The following GRM5 variants were observed in gnomAD, a reference collection of about 807,000 sequenced individuals.
GRM5 encodes the protein glutamate metabotropic receptor 5.
A neutral mutation model predicts 83.1 loss-of-function variants in GRM5; 19 were observed. That is an observed-to-expected ratio of 0.23 (90% CI 0.16 to 0.34). The LOEUF (loss-of-function observed/expected upper bound fraction) is 0.34, where lower values mean the gene tolerates loss of function less well. Ranked by LOEUF, GRM5 falls within the 10% of genes least tolerant of loss-of-function variation. The pLI, the probability that GRM5 is intolerant of heterozygous loss-of-function variation, is 1.00. For synonymous variants in GRM5, 675 were observed against 633.6 expected (o/e 1.07, Z -0.98); for missense variants, 1,160 against 1,588.3 (o/e 0.73, Z 4.58).
At chr11:88,983,225 A>G (rs943878704) in intron 2 of GRM5, among the ~76,000 whole-genome samples, 1 of 152,210 alleles carries the variant, frequency 6.6e-6, no homozygotes, top group African/African-American at 2.4e-5. Context: ...GGATTATATC[A>G]TTACAATTTT....
At chr11:88,735,145 TA>T (rs1336483083) in intron 3 of GRM5, among the ~76,000 whole-genome samples, 2 of 152,020 alleles carry the variant, frequency 1.3e-5, no homozygotes, top group Non-Finnish European at 2.9e-5. Context: ...CTCGAAGAAA[TA>T]CATTGTTTAG....
intron 3 of GRM5, among the ~76,000 whole-genome samples, chr11:88,697,505 T>G (rs1033515514): frequency 3.3e-5 from 5 of 152,204 alleles, no homozygotes; most frequent in African/African-American, 7.2e-5. Context: ...GATCATGTTC[T>G]TTATCTTCCA....
At chr11:88,680,610 C>A (rs1940454580) in intron 3 of GRM5, among the ~76,000 whole-genome samples, 1 of 152,120 alleles carries the variant, frequency 6.6e-6, no homozygotes, top group African/African-American at 2.4e-5. Context: ...TACCATTTGA[C>A]CCAGCCATCC....
chr11:88,901,524 G>A (rs1160671190), intron 2 of GRM5, among the ~76,000 whole-genome samples: 1 of 152,098 alleles, frequency 6.6e-6, no homozygotes, highest in Non-Finnish European at 1.5e-5. Flanking sequence ...ATCTTGGAAT[G>A]TTTCCCTAAT....
intron 3 of GRM5, among the ~76,000 whole-genome samples, chr11:88,677,659 C>G (rs1226796874): frequency 6.6e-6 from 1 of 152,050 alleles, no homozygotes; most frequent in African/African-American, 2.4e-5. Flanking sequence ...CTCTTTAATG[C>G]TGAAACCAAT....
At chr11:88,922,383 A>G (rs1316101288) in intron 2 of GRM5, among the ~76,000 whole-genome samples, 6 of 152,196 alleles carry the variant, frequency 3.9e-5, no homozygotes, top group Non-Finnish European at 8.8e-5. Context: ...AAACAGACAC[A>G]TAGACCAATG....
rs200709836 is a variant in GRM5, at chr11:89,047,937, G to T, written c.-65C>A. On this transcript the variant is annotated 5_prime_UTR_variant, in exon 2 of 10. Transcript: ENST00000305447. This position sits in a 1 kb window ranked among gnomAD's most constrained non-coding sequence, Gnocchi z 5.1. ...GGGAAAATTCAGGAGGGTTCTGATA[G>T]CTACGAACAAGCGATGTCCTACGTT... is the stretch of plus-strand genomic sequence containing the variant. 1.1e-5 allele frequency: 14 copies of T among 1,241,422 alleles called. No individual in the cohort carries two copies. The East Asian group carries it at 2.8e-4, about 25-fold the overall frequency. 76.9% of individuals were successfully genotyped at this position (1,241,422 alleles called of 1,614,324 possible).
chr11:89,010,974 A>G (rs1241286995), intron 2 of GRM5, among the ~76,000 whole-genome samples: 1 of 152,208 alleles, frequency 6.6e-6, no homozygotes, highest in Non-Finnish European at 1.5e-5. Context: ...CAAAAGAGTA[A>G]TAAGAAAAGC....
intron 9 of GRM5, chr11:88,522,978 C>G (rs1591321198): frequency 2.0e-5 from 3 of 152,136 alleles, no homozygotes; most frequent in African/African-American, 7.2e-5. Flanking sequence ...GTATGTTTAT[C>G]TGGGATCTCC....
rs184977483 is a variant in GRM5 at position 88,636,865 on chromosome 11, T to C, written c.1147+16303A>G. Among the ~76,000 whole-genome samples, 166 of 152,264 alleles carry C rather than the reference T, an allele frequency of 1.1e-3. 2 individuals carry two copies. Among genetic ancestry groups the C allele is most frequent in the Middle Eastern group, 3.4e-3 (1 of 294 alleles). On this transcript the variant is annotated intron_variant, in intron 4 of 9. Coordinates refer to ENST00000305447, the MANE Select transcript of GRM5 (RefSeq NM_001143831.3). The stretch of plus-strand genomic sequence containing the variant: ...TTGTCAAAGATCAGATAGTTGTAGA[T>C]ATGCGGCGTTATTTCTGAGGGCTCT...
intron 3 of GRM5, among the ~76,000 whole-genome samples, chr11:88,847,717 C>T (rs1233368314): frequency 2.0e-5 from 3 of 151,986 alleles, no homozygotes; most frequent in African/African-American, 7.2e-5. Context: ...TGTCAAATTA[C>T]TAAATAGCCA....
intron 2 of GRM5, among the ~76,000 whole-genome samples, chr11:88,923,205 C>A (rs1180425941): frequency 2.6e-5 from 4 of 151,980 alleles, no homozygotes; most frequent in Admixed American, 1.3e-4. Flanking sequence ...CTGGTATGTA[C>A]CCAAAAGGAA....
chr11:88,802,777 T>A (rs1451233788), intron 3 of GRM5, among the ~76,000 whole-genome samples: 1 of 149,822 alleles, frequency 6.7e-6, no homozygotes, highest in Non-Finnish European at 1.5e-5. Context: ...ATTGTATATC[T>A]AGAAAACCCC....
At chr11:88,848,934 C>A (rs1305725603) in intron 3 of GRM5, among the ~76,000 whole-genome samples, 3 of 152,280 alleles carry the variant, frequency 2.0e-5, no homozygotes, top group East Asian at 3.9e-4. Flanking sequence ...TGCCTGATAG[C>A]ATGAGATGGA....
chr11:88,811,830 T>C (rs1452649059), intron 3 of GRM5, among the ~76,000 whole-genome samples: 4 of 152,082 alleles, frequency 2.6e-5, no homozygotes, highest in Non-Finnish European at 2.9e-5. Context: ...GCATATCCTC[T>C]TCCAGGGGTA....
At chr11:88,607,464 G>A (rs1352842966) in intron 4 of GRM5, among the ~76,000 whole-genome samples, 1 of 152,168 alleles carries the variant, frequency 6.6e-6, no homozygotes, top group Non-Finnish European at 1.5e-5. Context: ...CTGGTTGCCT[G>A]CTTTCTCCTT....
At chr11:88,994,470 T>C (rs1259355440) in intron 2 of GRM5, among the ~76,000 whole-genome samples, 4 of 109,074 alleles carry the variant, frequency 3.7e-5, no homozygotes, top group Admixed American at 3.4e-4. Context: ...TATATATATA[T>C]ATATATATAT....
At chr11:88,674,453 T>G (rs957959330) in intron 3 of GRM5, among the ~76,000 whole-genome samples, 4 of 151,940 alleles carry the variant, frequency 2.6e-5, no homozygotes, top group African/African-American at 7.2e-5. Flanking sequence ...TGCTCTAGAT[T>G]AAAATATTCA....
At chr11:89,065,381 T>G (rs1288820257) in intron 1 of GRM5, among the ~76,000 whole-genome samples, 2 of 149,690 alleles carry the variant, frequency 1.3e-5, no homozygotes, top group Non-Finnish European at 2.9e-5. Context: ...GGCTCGGATC[T>G]TTATCTTTTC....
Sources: gnomAD v4.1 joint callset for allele counts (sites outside exome capture counted in the v4.1 genomes callset) on GRCh38, gnomAD v4.1.1 for gene constraint, Gnocchi (gnomAD v3.1) non-coding constraint, MANE v1.5 for transcripts, NCBI Gene and HGNC (gene_info 2026-07-23, HGNC 2026-07-21) for gene names.